The following TSPAN7 variants were observed in gnomAD, a reference collection of about 807,000 sequenced individuals.
The protein encoded by TSPAN7 is tetraspanin-7.
A neutral mutation model predicts 17.6 loss-of-function variants in TSPAN7; 1 was observed. The ratio of observed to expected loss-of-function variants is 0.06; its 90% CI spans 0.02 to 0.27. The LOEUF (loss-of-function observed/expected upper bound fraction) is 0.27. Among genes scored for constraint, TSPAN7 ranks in the 10% least tolerant of loss-of-function variants. The pLI, the probability that TSPAN7 is intolerant of heterozygous loss-of-function variation, is 1.00. For missense variants in TSPAN7, 112 were observed against 201.7 expected, an observed-to-expected ratio of 0.56 and a Z score of 2.69; for synonymous variants, 78 against 79.0, an observed-to-expected ratio of 0.99 and a Z score of 0.07.
chrX:38,604,247 C>T (rs1400423302), intron 1 of TSPAN7, among the ~76,000 whole-genome samples: 1 of 102,990 alleles, frequency 9.7e-6, no homozygotes, highest in Non-Finnish European at 2.0e-5. Flanking sequence ...GTATATGTGC[C>T]ACATTTTCTT....
chrX:38,609,966 G>A (rs763969260), intron 1 of TSPAN7, among the ~76,000 whole-genome samples: 57 of 110,139 alleles, frequency 5.2e-4, no homozygotes, highest in African/African-American at 1.7e-3. Flanking sequence ...GCCAGAGCTG[G>A]ATAAAGTTCC....
intron 2 of TSPAN7, among the ~76,000 whole-genome samples, chrX:38,667,094 T>C (rs2069787797): frequency 9.0e-6 from 1 of 111,672 alleles, no homozygotes; most frequent in African/African-American, 3.3e-5. Context: ...CTGTACTCCC[T>C]GTCTCAGTGC....
chrX:38,635,147 C>T (rs1338915988), intron 1 of TSPAN7, among the ~76,000 whole-genome samples: 1 of 111,176 alleles, frequency 9.0e-6, no homozygotes, highest in African/African-American at 3.3e-5. Context: ...TTTAATCTGC[C>T]TTATATAGAT....
At chrX:38,567,743 T>C (rs1317201724) in intron 1 of TSPAN7, among the ~76,000 whole-genome samples, 1 of 112,108 alleles carries the variant, frequency 8.9e-6, no homozygotes, top group Non-Finnish European at 1.9e-5. Context: ...AACTTTTCAG[T>C]TTTAGATGTT....
At chrX:38,657,432 G>T (rs1219424646) in intron 1 of TSPAN7, among the ~76,000 whole-genome samples, 4 of 111,691 alleles carry the variant, frequency 3.6e-5, no homozygotes, top group Admixed American at 2.9e-4. Flanking sequence ...TGGGCCCACA[G>T]GACATTAGAG....
chrX:38,606,984 T>C (rs1483225135), intron 1 of TSPAN7, among the ~76,000 whole-genome samples: 1 of 111,547 alleles, frequency 9.0e-6, no homozygotes, highest in Non-Finnish European at 1.9e-5. Context: ...AAGGACAGCC[T>C]GAGAAAATAA....
At chrX:38,684,682 G>A (rs1437706081) in intron 6 of TSPAN7, among the ~76,000 whole-genome samples, 1 of 111,381 alleles carries the variant, frequency 9.0e-6, no homozygotes, top group African/African-American at 3.3e-5. Flanking sequence ...GTACTTCTGT[G>A]TCTAAATAGA....
intron 1 of TSPAN7, among the ~76,000 whole-genome samples, chrX:38,654,307 T>C (rs1412197975): frequency 8.9e-6 from 1 of 112,323 alleles, no homozygotes; most frequent in Non-Finnish European, 1.9e-5. Context: ...GAAATCTTAC[T>C]TAAATGCTGT....
rs140991809 is a variant in TSPAN7, at chrX:38,620,845, C to T, written c.82-45276C>T. On this transcript the variant is annotated intron_variant, in intron 1 of 7. Coordinates refer to ENST00000378482, the MANE Select transcript of TSPAN7 (RefSeq NM_004615.4). ...TCTGATTGGTCTCTGCCCCTTGGCA[C>T]GCTGAAATTCCTGACTCATGAAGGG... Among the ~76,000 whole-genome samples, 414 of 112,311 alleles carry T rather than the reference C, an allele frequency of 3.7e-3. 3 individuals carry two copies. The highest frequency in any genetic ancestry group is 0.013 in the African/African-American group (394 of 30,907).
At chrX:38,576,123 G>A (rs1156571298) in intron 1 of TSPAN7, among the ~76,000 whole-genome samples, 1 of 112,443 alleles carries the variant, frequency 8.9e-6, no homozygotes, top group Non-Finnish European at 1.9e-5. Context: ...AAATGAATGA[G>A]TAAGGCTATA....
intron 1 of TSPAN7, among the ~76,000 whole-genome samples, chrX:38,626,405 T>C (rs1462529512): frequency 8.9e-6 from 1 of 111,776 alleles, no homozygotes; most frequent in Non-Finnish European, 1.9e-5. Flanking sequence ...TTGACATTAA[T>C]AGGAAGTGAT....
chrX:38,600,933 C>G (rs945310375), intron 1 of TSPAN7, among the ~76,000 whole-genome samples: 1 of 111,422 alleles, frequency 9.0e-6, no homozygotes, highest in African/African-American at 3.3e-5. Context: ...TCTGTTTAAG[C>G]CAAACTGTGA....
At chrX:38,662,091 G>T (rs934095389) in intron 1 of TSPAN7, among the ~76,000 whole-genome samples, 1 of 111,447 alleles carries the variant, frequency 9.0e-6, no homozygotes, top group Non-Finnish European at 1.9e-5. Flanking sequence ...CCCTTTGCTT[G>T]TAGGTGAGTT....
chrX:38,655,421 A>G (rs952390061), intron 1 of TSPAN7, among the ~76,000 whole-genome samples: 1 of 111,364 alleles, frequency 9.0e-6, no homozygotes, highest in African/African-American at 3.3e-5. Flanking sequence ...AGTACCATAT[A>G]TATATATGCA....
At chrX:38,589,450 G>C (rs1445410580) in intron 1 of TSPAN7, among the ~76,000 whole-genome samples, 1 of 111,643 alleles carries the variant, frequency 9.0e-6, no homozygotes, top group Non-Finnish European at 1.9e-5. Flanking sequence ...ATTTCATTAT[G>C]TGTTTAAACT....
intron 1 of TSPAN7, chrX:38,563,070 T>C: frequency 1.0e-6 from 1 of 970,947 alleles, no homozygotes; most frequent in Non-Finnish European, 1.3e-6. Flanking sequence ...TTATTGAGGA[T>C]CAAAAATATT....
chrX:38,594,368 C>A (rs1395969775), intron 1 of TSPAN7, among the ~76,000 whole-genome samples: 1 of 111,250 alleles, frequency 9.0e-6, no homozygotes, highest in Non-Finnish European at 1.9e-5. Context: ...ATTTTGTCCC[C>A]TTCCCCCAAA....
intron 1 of TSPAN7, among the ~76,000 whole-genome samples, chrX:38,621,080 C>A (rs1171202054): frequency 8.9e-6 from 1 of 111,984 alleles, no homozygotes; most frequent in Non-Finnish European, 1.9e-5. Context: ...AAATTATAGT[C>A]TTGTACTCTA....
chrX:38,640,555 T>G (rs1250512385), intron 1 of TSPAN7, among the ~76,000 whole-genome samples: 2 of 112,222 alleles, frequency 1.8e-5, no homozygotes, highest in Non-Finnish European at 3.8e-5. Flanking sequence ...ATTTTCTGTT[T>G]GTGATGAGAG....
Sources: allele counts gnomAD v4.1 joint callset (sites outside exome capture counted in the v4.1 genomes callset), GRCh38; gene constraint gnomAD v4.1.1; transcripts MANE v1.5; gene names NCBI Gene and HGNC (gene_info 2026-07-23, HGNC 2026-07-21).